TTC7B: variants seen among roughly 807,000 people sequenced by gnomAD.
TTC7B encodes the protein tetratricopeptide repeat domain 7B, also known as tetratricopeptide repeat protein 7B.
Under a neutral mutation model 106.8 loss-of-function variants are expected in TTC7B, and 28 were observed. The ratio of observed to expected loss-of-function variants is 0.26; its 90% confidence interval spans 0.19 to 0.36. The LOEUF (loss-of-function observed/expected upper bound fraction) is 0.36. Ranked by LOEUF, TTC7B falls within the 10% of genes least tolerant of loss-of-function variation. The pLI is 1.00. For synonymous variants in TTC7B, 405 were observed against 430.6 expected (o/e 0.94, Z 0.74); for missense variants, 862 against 1,076.4 (o/e 0.80, Z 2.79).
intron 3 of TTC7B, chr14:90,767,026 A>G: frequency 1.3e-6 from 1 of 761,834 alleles, no homozygotes; most frequent in South Asian, 2.1e-5. Context: ...TAGTTTATAT[A>G]CCAAAAAAAA....
chr14:90,613,188 G>A (rs1444656095), intron 16 of TTC7B, among the ~76,000 whole-genome samples: 1 of 152,120 alleles, frequency 6.6e-6, no homozygotes, highest in Non-Finnish European at 1.5e-5. Context: ...TTGAGCTCAG[G>A]AGTTCAAGAT....
chr14:90,713,058 C>T (rs771668742), intron 5 of TTC7B, among the ~76,000 whole-genome samples: 2 of 152,132 alleles, frequency 1.3e-5, no homozygotes, highest in Non-Finnish European at 2.9e-5. Flanking sequence ...GAGAAGACAA[C>T]AATCCAATTG....
intron 9 of TTC7B, among the ~76,000 whole-genome samples, chr14:90,669,358 C>T (rs1360124593): frequency 6.6e-6 from 1 of 152,124 alleles, no homozygotes; most frequent in African/African-American, 2.4e-5. Flanking sequence ...AAAATAGATA[C>T]ACTGGACTTA....
intron 19 of TTC7B, among the ~76,000 whole-genome samples, chr14:90,548,146 A>C (rs1889915744): frequency 6.6e-6 from 1 of 152,332 alleles, no homozygotes; most frequent in Non-Finnish European, 1.5e-5. Context: ...TAGTGCTCTC[A>C]GCTTCTCTGA....
At chr14:90,747,701 T>C (rs2140004681) in intron 3 of TTC7B, among the ~76,000 whole-genome samples, 1 of 152,380 alleles carries the variant, frequency 6.6e-6, no homozygotes, top group Admixed American at 6.5e-5. Flanking sequence ...CCACTTGTTT[T>C]ATCATTTATT....
At position 90,538,449 on chromosome 14, in the gene TTC7B, GAC is replaced by G. The variant is rs1654080962; in HGVS notation, c.*2917_*2918del. ...GGCAGCCAGGCACACAGGGGGCTGG[GAC>G]ACAGAGTCTGGTTCCAGGCAAGGGC... On this transcript the variant is annotated 3_prime_UTR_variant, in exon 20 of 20. Coordinates refer to ENST00000328459, the MANE Select transcript of TTC7B (RefSeq NM_001010854.2). 1 of 152,518 alleles carries G rather than the reference GAC, an allele frequency of 6.6e-6. No individual in the cohort carries two copies. The highest frequency in any genetic ancestry group is 6.5e-5 in the Admixed American group (1 of 15,286). The allele number at this position is 152,518 out of a possible 1,614,324, so 9.4% of individuals were successfully genotyped here.
rs2030538025 is a variant in TTC7B at position 90,805,290 on chromosome 14, C to T, written c.121+10885G>A. Among the ~76,000 whole-genome samples the T allele has an allele frequency of 6.6e-6, 1 of 152,174 alleles. No individual in the cohort carries two copies. Among genetic ancestry groups the T allele is most frequent in the South Asian group, 2.1e-4 (1 of 4,832 alleles). Reference sequence around the variant, plus strand: ...AGGGCAGAGGCCAAGGTGTCTTGTTCTGTCACCCAGGGTAGTGTGCAGTGG... The same window carrying T: ...AGGGCAGAGGCCAAGGTGTCTTGTTTTGTCACCCAGGGTAGTGTGCAGTGG... On this transcript the variant is annotated intron_variant, in intron 1 of 19. Coordinates refer to ENST00000328459, the MANE Select transcript of TTC7B (RefSeq NM_001010854.2). The surrounding 1 kb of genome is among the most constrained non-coding windows in gnomAD (Gnocchi z 4.0).
intron 1 of TTC7B, among the ~76,000 whole-genome samples, chr14:90,787,606 G>A (rs1489189611): frequency 1.3e-5 from 2 of 152,076 alleles, no homozygotes; most frequent in Non-Finnish European, 2.9e-5. Flanking sequence ...AATTCAAAAA[G>A]TCATCAGCGA....
At chr14:90,692,697 A>T (rs1020938147) in intron 6 of TTC7B, among the ~76,000 whole-genome samples, 10 of 152,246 alleles carry the variant, frequency 6.6e-5, no homozygotes, top group African/African-American at 2.4e-4. Context: ...GAAGCTGTTC[A>T]TATTGACCAG....
Position 90,531,949 on chromosome 14 carries a change from AG to A in TTC7B, c.*9418del, listed in dbSNP as rs1417767027. The A allele has an allele frequency of 2.0e-5, 3 of 152,200 alleles. No homozygotes were observed. Among genetic ancestry groups the A allele is most frequent in the African/African-American group, 7.2e-5 (3 of 41,444 alleles). 9.4% of individuals were successfully genotyped at this position (152,200 alleles called of 1,614,324 possible). On this transcript the variant is annotated 3_prime_UTR_variant, in exon 20 of 20. Transcript: ENST00000328459. ...GTTATCCCAGACCTTTAAGAGGCTG[AG>A]GGGACCAGATCACTTGAGACCAGGA...
Position 90,736,724 on chromosome 14 carries a change from A to C in TTC7B, c.577-6528T>G, listed in dbSNP as rs192980214. On this transcript the variant is annotated intron_variant, in intron 4 of 19. Transcript: ENST00000328459. ...ACAAAGTGAGAACCTGTCTACAAAA[A>C]ATTTAAAAATAGGCCGGGCATAGTG... is the stretch of plus-strand genomic sequence containing the variant. Among the ~76,000 whole-genome samples, 219 of 151,958 alleles carry C rather than the reference A, an allele frequency of 1.4e-3. 1 individual carries two copies. The highest frequency in any genetic ancestry group is 5.2e-3 in the African/African-American group (214 of 41,382).
intron 3 of TTC7B, among the ~76,000 whole-genome samples, chr14:90,751,374 CCTTT>C (rs1890129919): frequency 6.6e-6 from 1 of 152,062 alleles, no homozygotes; most frequent in Non-Finnish European, 1.5e-5. Context: ...TCTGAAATGC[CCTTT>C]CTAAGAAGAG....
At chr14:90,703,022 G>C (rs946583031) in intron 5 of TTC7B, among the ~76,000 whole-genome samples, 4 of 152,202 alleles carry the variant, frequency 2.6e-5, no homozygotes, top group Non-Finnish European at 5.9e-5. Context: ...GAACTCAAAA[G>C]TGAACCACTA....
intron 18 of TTC7B, among the ~76,000 whole-genome samples, chr14:90,588,424 C>T (rs1201414753): frequency 6.6e-6 from 1 of 152,190 alleles, no homozygotes; most frequent in African/African-American, 2.4e-5. Flanking sequence ...TCATTTTTAG[C>T]TGCCATCCCA....
intron 17 of TTC7B, among the ~76,000 whole-genome samples, chr14:90,607,512 A>G (rs1892693971): frequency 6.6e-6 from 1 of 152,186 alleles, no homozygotes; most frequent in African/African-American, 2.4e-5. Flanking sequence ...TTTCACTGGG[A>G]ACCATTCTGA....
rs144642233 is a variant in TTC7B, at chr14:90,681,412, A to G, written c.951-877T>C. Among the ~76,000 whole-genome samples the G allele has an allele frequency of 1.8e-4, 27 of 152,224 alleles. 1 individual carries two copies. The highest frequency in any genetic ancestry group is 6.0e-4 in the African/African-American group (25 of 41,544). Reference sequence around the variant, plus strand: ...GATATCTTGAAGATGACTAAAAACAACTAAGTTTATGTCTTCCCAGGGATA... The same window carrying G: ...GATATCTTGAAGATGACTAAAAACAGCTAAGTTTATGTCTTCCCAGGGATA... On this transcript the variant is annotated intron_variant, in intron 7 of 19. Coordinates refer to ENST00000328459, the MANE Select transcript of TTC7B (RefSeq NM_001010854.2).
At chr14:90,617,131 G>A (rs769376273) in intron 16 of TTC7B, among the ~76,000 whole-genome samples, 6 of 152,300 alleles carry the variant, frequency 3.9e-5, no homozygotes, top group South Asian at 2.1e-4. Flanking sequence ...GGCAGGCACC[G>A]TTGACTCACT....
chr14:90,568,827 A>C (rs1210565321), intron 19 of TTC7B, among the ~76,000 whole-genome samples: 1 of 152,234 alleles, frequency 6.6e-6, no homozygotes, highest in Non-Finnish European at 1.5e-5. Context: ...AGAGGTTCTT[A>C]TTCCCAGGGA....
chr14:90,704,676 G>A (rs926319716), intron 5 of TTC7B, among the ~76,000 whole-genome samples: 3 of 152,220 alleles, frequency 2.0e-5, no homozygotes, highest in African/African-American at 7.2e-5. Context: ...CCCACTGGGA[G>A]TGGGTGACAA....
Sources: allele counts gnomAD v4.1 joint callset (sites outside exome capture counted in the v4.1 genomes callset), GRCh38; gene constraint gnomAD v4.1.1; non-coding constraint Gnocchi (gnomAD v3.1); transcripts MANE v1.5; gene names NCBI Gene and HGNC (gene_info 2026-07-23, HGNC 2026-07-21).